Variants in DNHD1 observed in about 807,000 individuals in gnomAD.
The protein encoded by DNHD1 is dynein heavy chain domain 1.
Under a neutral mutation model 458.1 loss-of-function variants are expected in DNHD1, and 383 were observed. The observed-to-expected ratio is 0.84, with a 90% CI of 0.77 to 0.91. The LOEUF (loss-of-function observed/expected upper bound fraction) is 0.91, where lower values mean the gene tolerates loss of function less well. Ranked by LOEUF, DNHD1 falls within the 40% of genes least tolerant of loss-of-function variation. The pLI is 0.00. For missense variants in DNHD1, 5,336 were observed against 5,866.1 expected (o/e 0.91, Z 2.95); for synonymous variants, 2,203 against 2,376.9 (o/e 0.93, Z 2.13).
chr11:6,514,098 A>C (rs943326466), intron 7 of DNHD1, among the ~76,000 whole-genome samples: 31 of 151,998 alleles, frequency 2.0e-4, no homozygotes, highest in African/African-American at 7.2e-4. Context: ...CACCTGCCTC[A>C]GCCTCCCGAA....
chr11:6,551,724 C>T (rs138615191), intron 24 of DNHD1, among the ~76,000 whole-genome samples: 2,460 of 152,174 alleles, frequency 0.016, 31 homozygotes, highest in Non-Finnish European at 0.025. Flanking sequence ...GGGCAGATCA[C>T]GAGGTCAGGA....
At position 6,563,101 on chromosome 11, in the gene DNHD1, G is replaced by A. The variant is rs145612158; in HGVS notation, c.9639G>A (p.Leu3213=). 1,364 of 1,551,680 alleles carry A rather than the reference G, an allele frequency of 8.8e-4. 12 individuals carry two copies. The African/African-American group carries it at 0.016, about 19-fold the overall frequency. Residue 3213 remains leucine (L), a synonymous_variant, in exon 29 of 43, where the codon CTG becomes CTA. Coordinates refer to ENST00000254579, the MANE Select transcript of DNHD1 (RefSeq NM_144666.3). ...ACCTGGCCAGGCAACGGGATGCCCT[G>A]CAAGCTCAGCGAGAGGCTTTCCTGG... ...IENLARQRDA[L]QAQREAFLEQ...
At chr11:6,532,706 T>G (rs1440743059) in intron 12 of DNHD1, among the ~76,000 whole-genome samples, 2 of 152,168 alleles carry the variant, frequency 1.3e-5, no homozygotes, top group Admixed American at 1.3e-4. Flanking sequence ...CTATACTGGC[T>G]GAAGGCTCCA....
chr11:6,515,697 T>C (rs1330567913), intron 7 of DNHD1, among the ~76,000 whole-genome samples: 1 of 151,884 alleles, frequency 6.6e-6, no homozygotes, highest in African/African-American at 2.4e-5. Context: ...TGTCTCAGGG[T>C]CTGCTTCTGG....
Position 6,505,018 on chromosome 11 carries a change from A to T in DNHD1, c.920+2092A>T, listed in dbSNP as rs1430996064. ...GCTAGTTTTTAAATTTTTTGTAGAT[A>T]TGGGATCTCACTTTGTTGCTCAAGC... On this transcript the variant is annotated intron_variant, in intron 4 of 42. Coordinates refer to ENST00000254579, the MANE Select transcript of DNHD1 (RefSeq NM_144666.3). The surrounding 1 kb of genome is among the most constrained non-coding windows in gnomAD (Gnocchi z 4.4). Among the ~76,000 whole-genome samples, 4 of 151,870 alleles carry T rather than the reference A, an allele frequency of 2.6e-5. No homozygotes were observed. The East Asian group carries it at 7.8e-4, about 30-fold the overall frequency.
chr11:6,517,570 A>T (rs1852503110), intron 7 of DNHD1, among the ~76,000 whole-genome samples: 1 of 150,696 alleles, frequency 6.6e-6, no homozygotes, highest in South Asian at 2.2e-4. Flanking sequence ...GCCATTAGTG[A>T]CAACACGTAT....
intron 14 of DNHD1, among the ~76,000 whole-genome samples, chr11:6,534,517 AAC>A (rs1852900047): frequency 6.6e-6 from 1 of 152,148 alleles, no homozygotes; most frequent in Admixed American, 6.5e-5. Context: ...AGCCCTGTTC[AAC>A]ACAGTCCTAC....
At chr11:6,541,484 G>A (rs545264806) in intron 18 of DNHD1, among the ~76,000 whole-genome samples, 6 of 152,300 alleles carry the variant, frequency 3.9e-5, no homozygotes, top group Admixed American at 2.6e-4. Context: ...TGAAATCTGC[G>A]AGTTTCAGTT....
At position 6,563,028 on chromosome 11, in the gene DNHD1, AC is replaced by A; in HGVS notation, c.9567del (p.Tyr3189Ter). The A allele has an allele frequency of 1.9e-6, 3 of 1,551,714 alleles. No individual in the cohort carries two copies. Among genetic ancestry groups the A allele is most frequent in the Non-Finnish European group, 2.6e-6 (3 of 1,146,998 alleles). On this transcript the variant is annotated frameshift_variant, in exon 29 of 43. Coordinates refer to ENST00000254579, the MANE Select transcript of DNHD1 (RefSeq NM_144666.3). LOFTEE classifies it high-confidence loss of function. ...CAGCTAGAGCAAAGCAAGCTCCTATACAAGCAGCAGCTGGAAGAGTGTCGGC... is the reference window on the plus strand; with the variant it reads ...CAGCTAGAGCAAAGCAAGCTCCTATAAAGCAGCAGCTGGAAGAGTGTCGGC... ...QQQLEQSKLLYKQQLEECRHQ... is the reference protein window; with the variant it reads ...QQQLEQSKLLXKQQLEECRHQ...
In DNHD1 at chr11:6,509,186, G is replaced by C; in HGVS notation, c.1149G>C (p.Gln383His). 6 of 1,614,226 alleles carry C rather than the reference G, an allele frequency of 3.7e-6. No individual in the cohort carries two copies. Among genetic ancestry groups the C allele is most frequent in the Non-Finnish European group, 5.1e-6 (6 of 1,180,036 alleles). Residue 383 changes from glutamine (Q) to histidine (H), a missense_variant, in exon 6 of 43, where the codon CAG becomes CAC. Gln to His is a conservative substitution (Grantham distance 24). Coordinates refer to ENST00000254579, the MANE Select transcript of DNHD1 (RefSeq NM_144666.3). ...GTTGGAAGAAGAATGTGAGATTACA[G>C]GGGCTGCATCGACTCCAGAAATTCC... Reference protein sequence around the residue: ...FTCWKKNVRLQGLHRLQKFLE... With the variant: ...FTCWKKNVRLHGLHRLQKFLE...
At position 6,533,998 on chromosome 11, in the gene DNHD1, G is replaced by GGCA; in HGVS notation, c.2830_2832dup (p.Ala944dup). The GGCA allele has an allele frequency of 6.4e-7, 1 of 1,551,588 alleles. No individual in the cohort carries two copies. Among genetic ancestry groups the GGCA allele is most frequent in the Non-Finnish European group, 8.7e-7 (1 of 1,146,934 alleles). Reference sequence around the variant, plus strand: ...TTATGCCCAAGCTGCAGCAGCTGATGGCAGCAGCATTGGCAGAGCTGGAAG... The same window carrying GGCA: ...TTATGCCCAAGCTGCAGCAGCTGATGGCAGCAGCAGCATTGGCAGAGCTGGAAG... On this transcript the variant is annotated inframe_insertion, in exon 14 of 43. Transcript: ENST00000254579.
intron 10 of DNHD1, among the ~76,000 whole-genome samples, chr11:6,521,969 G>T (rs1218563907): frequency 6.6e-6 from 1 of 152,064 alleles, no homozygotes; most frequent in Non-Finnish European, 1.5e-5. Context: ...CTCCTATCTT[G>T]GCCTTGCAAA....
At chr11:6,536,510 A>G (rs931462335) in intron 14 of DNHD1, among the ~76,000 whole-genome samples, 1 of 152,230 alleles carries the variant, frequency 6.6e-6, no homozygotes, top group African/African-American at 2.4e-5. Flanking sequence ...ACACATGCCC[A>G]TGCACAGAGC....
Position 6,533,943 on chromosome 11 carries a change from C to T in DNHD1, c.2768C>T (p.Ser923Leu), listed in dbSNP as rs1260831042. 1 of 1,551,376 alleles carries T rather than the reference C, an allele frequency of 6.4e-7. No individual in the cohort carries two copies. The highest frequency in any genetic ancestry group is 2.4e-5 in the East Asian group (1 of 40,884). The change falls in exon 14 of 43, where the codon TCA becomes TTA. Residue 923 changes from serine to leucine, a missense_variant. Ser to Leu is a moderately radical substitution (Grantham distance 145, BLOSUM62 -2). This residue lies in a region of DNHD1 where 3,932 missense variants were observed against 4,365.6 expected (regional missense o/e 0.90). Coordinates refer to ENST00000254579, the MANE Select transcript of DNHD1 (RefSeq NM_144666.3). Reference protein sequence around the residue: ...EAFQFEKSQASEFLLSKRHAI... With the variant: ...EAFQFEKSQALEFLLSKRHAI... ...TTTCAGTTTGAGAAAAGCCAGGCTT[C>T]AGAGTTCCTGCTCAGCAAGCGACAT...
At chr11:6,569,637 CT>C (rs1376928895) in intron 39 of DNHD1, among the ~76,000 whole-genome samples, 6 of 152,084 alleles carry the variant, frequency 3.9e-5, no homozygotes, top group Non-Finnish European at 8.8e-5. Flanking sequence ...GGAGGCAGGA[CT>C]GGGGGCAAGC....
intron 4 of DNHD1, 46 bp downstream of exon 4, chr11:6,502,972 C>T (rs771835275): frequency 4.4e-6 from 7 of 1,598,332 alleles, no homozygotes; most frequent in Non-Finnish European, 6.0e-6. Flanking sequence ...TGCCTGGTTT[C>T]CTTCTATGCT....
In DNHD1 at chr11:6,564,335, G is replaced by A. The variant is rs1165333491; in HGVS notation, c.10287G>A (p.Lys3429=). Residue 3429 remains lysine, a splice_region_variant and synonymous_variant, in exon 32 of 43, where the codon AAG becomes AAA. Coordinates refer to ENST00000254579, the MANE Select transcript of DNHD1 (RefSeq NM_144666.3). Reference sequence around the variant, plus strand: ...TCTGGTCTTCCCTTCCACTCCAGAAGCTGAAGGGACGCTGCATGACTGTGT... The same window carrying A: ...TCTGGTCTTCCCTTCCACTCCAGAAACTGAAGGGACGCTGCATGACTGTGT... ...PMRAWTTQLQ[K]LKGRCMTVFG... is the part of the protein sequence containing the mutation. 6.5e-7 allele frequency: 1 copy of A among 1,530,814 alleles called. No homozygotes were observed. The highest frequency in any genetic ancestry group is 1.4e-5 in the African/African-American group (1 of 72,594). The allele number at this position is 1,530,814 out of a possible 1,614,324, so 94.8% of individuals were successfully genotyped here. A position where few individuals can be genotyped will look rare whatever the true frequency, so the allele number is the denominator to read the frequency against.
intron 7 of DNHD1, among the ~76,000 whole-genome samples, chr11:6,515,167 CT>C (rs1353891989): frequency 6.6e-6 from 1 of 152,182 alleles, no homozygotes; most frequent in Non-Finnish European, 1.5e-5. Flanking sequence ...AACACATTAA[CT>C]TTTGGGAGAC....
Position 6,545,895 on chromosome 11 carries a change from G to C in DNHD1, c.4956G>C (p.Glu1652Asp). ...GCAGGTCCTTCCTGTACAATTACGA[G>C]TATCTGGGACCTAGACTAGGGCCTC... The part of the protein sequence containing the change: ...VLGRSFLYNY[E>D]YLGPRLGPLP... Residue 1652 changes from glutamate (E) to aspartate (D), a missense_variant, in exon 21 of 43, where the codon GAG (glutamate) becomes GAC (aspartate). Glu to Asp is a conservative substitution (Grantham distance 45). Around this residue, in one of 4 missense-constraint regions of DNHD1, gnomAD observed 3,932 missense variants for 4,365.6 expected, o/e 0.90. Coordinates refer to ENST00000254579, the MANE Select transcript of DNHD1 (RefSeq NM_144666.3). The surrounding 1 kb of genome is among the most constrained non-coding windows in gnomAD (Gnocchi z 4.9). 1 of 1,551,808 alleles carries C rather than the reference G, an allele frequency of 6.4e-7. No individual in the cohort carries two copies. Among genetic ancestry groups the C allele is most frequent in the Non-Finnish European group, 8.7e-7 (1 of 1,147,016 alleles).
Sources: allele counts gnomAD v4.1 joint callset (sites outside exome capture counted in the v4.1 genomes callset), GRCh38; gene constraint gnomAD v4.1.1; regional missense constraint gnomAD v4.1.1; non-coding constraint Gnocchi (gnomAD v3.1); transcripts MANE v1.5; gene names NCBI Gene and HGNC (gene_info 2026-07-23, HGNC 2026-07-21).